The following PWP1 variants were observed in gnomAD, a reference collection of about 807,000 sequenced individuals.
The protein encoded by PWP1 is periodic tryptophan protein 1 homolog.
PWP1 carries 47 observed loss-of-function variants against 69.9 expected under a neutral mutation model. The observed-to-expected ratio is 0.67, with a 90% CI of 0.53 to 0.86. The LOEUF is 0.86. Among genes scored for constraint, PWP1 ranks in the 40% least tolerant of loss-of-function variants. The pLI, the probability that PWP1 is intolerant of heterozygous loss-of-function variation, is 0.00. For missense variants in PWP1, 551 were observed against 608.8 expected (o/e 0.91, Z 1.00); for synonymous variants, 222 against 208.2 (o/e 1.07, Z -0.57).
intron 7 of PWP1, 24 bp downstream of exon 7, chr12:107,697,621 A>AATT: frequency 6.3e-7 from 1 of 1,587,262 alleles, no homozygotes; most frequent in Non-Finnish European, 8.6e-7. Context: ...TAAATATTTA[A>AATT]ACTCTAATGA....
chr12:107,695,802 T>C (rs1889570721), intron 5 of PWP1, among the ~76,000 whole-genome samples: 1 of 152,222 alleles, frequency 6.6e-6, no homozygotes, highest in South Asian at 2.1e-4. Context: ...TGACTTATAA[T>C]CAGCTAGACC....
Position 107,709,041 on chromosome 12 carries a change from AT to A in PWP1, c.1168+30del, listed in dbSNP as rs1889887241. On this transcript the variant is annotated intron_variant, in intron 12 of 14. Coordinates refer to ENST00000412830, the MANE Select transcript of PWP1 (RefSeq NM_007062.3). ...GGTGAGCAAGAGTAATGCTTCTTTC[AT>A]TTTTCTTAACTTATGATGAAGTAAA... is the stretch of plus-strand genomic sequence containing the variant. 1.9e-6 allele frequency: 3 copies of A among 1,613,492 alleles called. No individual in the cohort carries two copies. In the East Asian group the frequency reaches 6.7e-5, roughly 36 times the overall value.
In PWP1 at chr12:107,712,349, C is replaced by G; in HGVS notation, c.*129C>G. The G allele has an allele frequency of 1.5e-6, 1 of 650,666 alleles. No homozygotes were observed. The highest frequency in any genetic ancestry group is 2.7e-6 in the Non-Finnish European group (1 of 375,676). The allele number at this position is 650,666 out of a possible 1,614,324, so 40.3% of individuals were successfully genotyped here. ...ATTCATTTCTGACTGACATTCCTTT[C>G]TGCAACTGCGGTGGCACCACAAATA... On this transcript the variant is annotated 3_prime_UTR_variant, in exon 15 of 15. Transcript: ENST00000412830.
At chr12:107,694,182 G>C (rs1436920987) in intron 5 of PWP1, among the ~76,000 whole-genome samples, 1 of 152,126 alleles carries the variant, frequency 6.6e-6, no homozygotes, top group African/African-American at 2.4e-5. Flanking sequence ...CACAATGTCT[G>C]GCGCACTCTG....
intron 1 of PWP1, 99 bp downstream of exon 1, chr12:107,686,070 C>A: frequency 1.5e-6 from 2 of 1,297,376 alleles, no homozygotes; most frequent in African/African-American, 1.5e-5. Flanking sequence ...GGGGCGTTGG[C>A]TGGTGCGACT....
Position 107,685,836 on chromosome 12 carries a change from T to G in PWP1, c.-64T>G, listed in dbSNP as rs973402416. 17 of 1,558,000 alleles carry G rather than the reference T, an allele frequency of 1.1e-5. No individual in the cohort carries two copies. In the African/African-American group the frequency reaches 1.9e-4, roughly 17 times the overall value. ...CAGATCCCTGAGCGTGTGGCAGCAG[T>G]GCGGTCGTGGTCCCTCCCTATGCAG... On this transcript the variant is annotated 5_prime_UTR_variant, in exon 1 of 15. Coordinates refer to ENST00000412830, the MANE Select transcript of PWP1 (RefSeq NM_007062.3).
intron 8 of PWP1, among the ~76,000 whole-genome samples, chr12:107,701,076 G>A (rs528463369): frequency 2.0e-5 from 3 of 152,224 alleles, no homozygotes; most frequent in Admixed American, 1.3e-4. Flanking sequence ...TCTTTGTTTT[G>A]TGCTTATTGG....
At chr12:107,702,860 A>G (rs918196737) in intron 8 of PWP1, 75 bp from the exon 9 acceptor site, 10 of 901,310 alleles carry the variant, frequency 1.1e-5, no homozygotes, top group Non-Finnish European at 1.7e-5. Flanking sequence ...ATGCTATTGT[A>G]AATGCAATCC....
At chr12:107,697,876 C>T (rs7959279) in intron 7 of PWP1, 8 of 476,456 alleles carry the variant, frequency 1.7e-5, no homozygotes, top group Middle Eastern at 4.5e-4. Context: ...GAAGGACTTT[C>T]GGATTATGAG....
intron 5 of PWP1, among the ~76,000 whole-genome samples, chr12:107,696,029 C>CTTTTTT (rs397700499): frequency 2.3e-4 from 24 of 103,740 alleles, no homozygotes; most frequent in South Asian, 3.7e-4. Context: ...ATATTGGAAT[C>CTTTTTT]TTTTTTTTTT....
intron 9 of PWP1, 52 bp from the exon 10 acceptor site, chr12:107,703,633 T>C: frequency 6.8e-7 from 1 of 1,469,196 alleles, no homozygotes; most frequent in South Asian, 1.1e-5. Context: ...TTAGGTAATT[T>C]TACGAAAAGC....
At chr12:107,697,752 G>A in intron 7 of PWP1, 155 bp downstream of exon 7, 2 of 782,792 alleles carry the variant, frequency 2.6e-6, no homozygotes, top group Non-Finnish European at 4.3e-6. Flanking sequence ...GTTTTGAAAA[G>A]GCCATCCAAA....
intron 1 of PWP1, chr12:107,686,228 C>T (rs1889361952): frequency 7.1e-6 from 4 of 561,244 alleles, no homozygotes; most frequent in Admixed American, 6.1e-5. Flanking sequence ...TTCGCACGCA[C>T]ATGGACTTAG....
chr12:107,686,051 C>T, intron 1 of PWP1, 80 bp downstream of exon 1: 1 of 1,512,342 alleles, frequency 6.6e-7, no homozygotes, highest in Non-Finnish European at 9.1e-7. Flanking sequence ...GAACGTGGAC[C>T]CGGAACTCGG....
chr12:107,698,576 T>A (rs1216386281), intron 7 of PWP1, among the ~76,000 whole-genome samples: 1 of 152,158 alleles, frequency 6.6e-6, no homozygotes, highest in African/African-American at 2.4e-5. Flanking sequence ...GTAATGAAAT[T>A]TTTTTCTTTA....
intron 11 of PWP1, 92 bp from the exon 12 acceptor site, chr12:107,708,834 C>A: frequency 8.7e-7 from 1 of 1,146,386 alleles, no homozygotes; most frequent in South Asian, 1.3e-5. Flanking sequence ...ACCAGTAAGT[C>A]ATATAGCTGA....
Position 107,710,522 on chromosome 12 carries a change from T to C in PWP1, c.1396+12T>C, listed in dbSNP as rs1319091584. On this transcript the variant is annotated intron_variant, in intron 14 of 14. Coordinates refer to ENST00000412830, the MANE Select transcript of PWP1 (RefSeq NM_007062.3). ...CACAGTCTCTTCAGGTAAGGATTTTTAGTTCTCTGCACACCTCCCCCTGCC... is the reference window on the plus strand; with the variant it reads ...CACAGTCTCTTCAGGTAAGGATTTTCAGTTCTCTGCACACCTCCCCCTGCC... The C allele has an allele frequency of 1.2e-6, 2 of 1,609,260 alleles. No individual in the cohort carries two copies. Among genetic ancestry groups the C allele is most frequent in the Middle Eastern group, 1.7e-4 (1 of 5,954 alleles).
chr12:107,693,254 GT>G (rs1043796046), intron 5 of PWP1, among the ~76,000 whole-genome samples, 158 bp downstream of exon 5: 6 of 152,084 alleles, frequency 3.9e-5, no homozygotes, highest in African/African-American at 1.4e-4. Flanking sequence ...CTTGGTTATT[GT>G]TCTGGGTATG....
chr12:107,692,012 T>C (rs1243191083), intron 3 of PWP1, among the ~76,000 whole-genome samples: 1 of 152,202 alleles, frequency 6.6e-6, no homozygotes. Context: ...GTTTTTTCTA[T>C]TGGACTCTGG....
Sources: gnomAD v4.1 joint callset for allele counts (sites outside exome capture counted in the v4.1 genomes callset) on GRCh38, gnomAD v4.1.1 for gene constraint, MANE v1.5 for transcripts, NCBI Gene and HGNC (gene_info 2026-07-23, HGNC 2026-07-21) for gene names.